Variants in RNF180 observed in about 807,000 individuals in gnomAD.
RNF180 encodes the protein E3 ubiquitin-protein ligase RNF180.
RNF180 carries 38 observed loss-of-function variants against 59.2 expected under a neutral mutation model. That is an observed-to-expected ratio of 0.64 (90% CI 0.50 to 0.84). RNF180 has a LOEUF of 0.84. RNF180 is among the 40% of genes least tolerant of loss of function. The pLI, the probability that RNF180 is intolerant of heterozygous loss-of-function variation, is 0.00. For missense variants in RNF180, 705 were observed against 700.9 expected, an observed-to-expected ratio of 1.01 and a Z score of -0.07; for synonymous variants, 262 against 240.3, an observed-to-expected ratio of 1.09 and a Z score of -0.84.
At chr5:64,343,306 G>T (rs530762793) in intron 7 of RNF180, among the ~76,000 whole-genome samples, 4 of 152,076 alleles carry the variant, frequency 2.6e-5, no homozygotes, top group African/African-American at 9.6e-5. Flanking sequence ...GAATAAAACA[G>T]TCTGGGACTA....
intron 1 of RNF180, among the ~76,000 whole-genome samples, chr5:64,187,443 C>A (rs953246682): frequency 6.6e-6 from 1 of 152,106 alleles, no homozygotes; most frequent in African/African-American, 2.4e-5. Context: ...AAAGCATATG[C>A]AGAACCATTT....
chr5:64,280,762 A>G (rs1303419848), intron 5 of RNF180, among the ~76,000 whole-genome samples: 1 of 152,146 alleles, frequency 6.6e-6, no homozygotes, highest in Non-Finnish European at 1.5e-5. Context: ...CCCTTTGCTT[A>G]GGATTGCTTT....
Position 64,213,859 on chromosome 5 carries a change from T to G in RNF180, c.533T>G (p.Leu178Ter), listed in dbSNP as rs758631661. The change falls in exon 4 of 8, where the codon TTA (leucine) becomes TGA (stop). Residue 178 changes from leucine (L) to a stop codon, truncating the protein, a stop_gained. Coordinates refer to ENST00000389100, the MANE Select transcript of RNF180 (RefSeq NM_001113561.2). LOFTEE classifies it high-confidence loss of function. The part of the protein sequence containing the change: ...MARNNNDPGR[L>*]TEALCLEVRP... ...CGAAATAATAATGACCCTGGAAGATTAACAGAAGCACTCTGCCTGGAGGTG... is the reference window on the plus strand; with the variant it reads ...CGAAATAATAATGACCCTGGAAGATGAACAGAAGCACTCTGCCTGGAGGTG... 1 of 1,614,088 alleles carries G rather than the reference T, an allele frequency of 6.2e-7. No individual in the cohort carries two copies.
chr5:64,353,849 A>T (rs1020381908), intron 7 of RNF180, among the ~76,000 whole-genome samples: 1 of 151,796 alleles, frequency 6.6e-6, no homozygotes, highest in African/African-American at 2.4e-5. Flanking sequence ...CGTGGAAATT[A>T]AAAAACACAC....
intron 2 of RNF180, among the ~76,000 whole-genome samples, chr5:64,203,306 G>A (rs1488596741): frequency 6.6e-6 from 1 of 152,098 alleles, no homozygotes; most frequent in Non-Finnish European, 1.5e-5. Context: ...AAGATAATAT[G>A]TGAACATATA....
At chr5:64,222,632 C>A (rs970188692) in intron 5 of RNF180, among the ~76,000 whole-genome samples, 1 of 152,212 alleles carries the variant, frequency 6.6e-6, no homozygotes, top group Non-Finnish European at 1.5e-5. Flanking sequence ...TAGGTACCCA[C>A]TGTCTGACAC....
At chr5:64,239,484 A>T (rs900557860) in intron 5 of RNF180, among the ~76,000 whole-genome samples, 1 of 152,112 alleles carries the variant, frequency 6.6e-6, no homozygotes, top group Non-Finnish European at 1.5e-5. Flanking sequence ...TGCTTTTTAA[A>T]ATGTGTCTGG....
At chr5:64,173,785 G>A (rs1165736737) in intron 1 of RNF180, among the ~76,000 whole-genome samples, 2 of 150,106 alleles carry the variant, frequency 1.3e-5, no homozygotes, top group East Asian at 1.9e-4. Flanking sequence ...GCATGATCTC[G>A]GCTCACTGCA....
chr5:64,254,742 A>C (rs1245407457), intron 5 of RNF180, among the ~76,000 whole-genome samples: 2 of 152,208 alleles, frequency 1.3e-5, no homozygotes, highest in African/African-American at 2.4e-5. Context: ...CTATCTTTGC[A>C]TAAAATAATA....
At chr5:64,298,510 A>C (rs759335056) in intron 5 of RNF180, among the ~76,000 whole-genome samples, 1 of 151,972 alleles carries the variant, frequency 6.6e-6, no homozygotes, top group Non-Finnish European at 1.5e-5. Flanking sequence ...TATGCAGTGA[A>C]ACTTTCTTAC....
intron 5 of RNF180, among the ~76,000 whole-genome samples, chr5:64,294,276 G>A (rs1422176900): frequency 3.9e-5 from 6 of 152,086 alleles, no homozygotes. Flanking sequence ...AATGCTTGAG[G>A]GGATGGATAC....
chr5:64,204,396 T>C lies in RNF180; in HGVS notation c.135+3454T>C, dbSNP rs147727770. 7.2e-5 allele frequency among the ~76,000 whole-genome samples: 11 copies of C among 152,310 alleles called. No homozygotes were observed. The East Asian group carries it at 2.1e-3, about 29-fold the overall frequency. On this transcript the variant is annotated intron_variant, in intron 2 of 7. Coordinates refer to ENST00000389100, the MANE Select transcript of RNF180 (RefSeq NM_001113561.2). ...TTCAACTTTACTGGGCAATGCTGTT[T>C]TCAAATGACAGTCTCACCAACAATA... is the stretch of plus-strand genomic sequence containing the variant.
intron 2 of RNF180, among the ~76,000 whole-genome samples, chr5:64,201,678 T>C (rs1751755636): frequency 6.6e-6 from 1 of 152,234 alleles, no homozygotes; most frequent in African/African-American, 2.4e-5. Context: ...TCCCTTCCAC[T>C]TTAACAAATT....
At chr5:64,351,368 C>A (rs1353505928) in intron 7 of RNF180, among the ~76,000 whole-genome samples, 1 of 152,130 alleles carries the variant, frequency 6.6e-6, no homozygotes, top group Non-Finnish European at 1.5e-5. Flanking sequence ...ATTTGACTTC[C>A]TCTTTTCCTA....
intron 7 of RNF180, among the ~76,000 whole-genome samples, chr5:64,343,542 C>A (rs534664622): frequency 1.3e-5 from 2 of 151,690 alleles, no homozygotes; most frequent in Non-Finnish European, 2.9e-5. Flanking sequence ...AGAAAGAAAA[C>A]CATATCTAGA....
At chr5:64,239,856 G>A (rs2112232026) in intron 5 of RNF180, among the ~76,000 whole-genome samples, 1 of 152,178 alleles carries the variant, frequency 6.6e-6, no homozygotes, top group African/African-American at 2.4e-5. Flanking sequence ...TGTCATAAAA[G>A]TTCTACTTGG....
chr5:64,247,597 T>A (rs1219190918), intron 5 of RNF180, among the ~76,000 whole-genome samples: 3 of 152,100 alleles, frequency 2.0e-5, no homozygotes, highest in Non-Finnish European at 4.4e-5. Context: ...CCACTGCTCA[T>A]GGACATAAGA....
intron 5 of RNF180, among the ~76,000 whole-genome samples, chr5:64,288,684 G>A (rs1742416008): frequency 6.6e-6 from 1 of 152,004 alleles, no homozygotes; most frequent in Non-Finnish European, 1.5e-5. Flanking sequence ...TCATGATTTG[G>A]CTCTCTGCCC....
At chr5:64,234,335 A>T (rs1204496300) in intron 5 of RNF180, among the ~76,000 whole-genome samples, 2 of 151,780 alleles carry the variant, frequency 1.3e-5, no homozygotes, top group Non-Finnish European at 2.9e-5. Flanking sequence ...GTGTGGTGGC[A>T]TGTGCCTGTA....
Sources: allele counts gnomAD v4.1 joint callset (sites outside exome capture counted in the v4.1 genomes callset), GRCh38; gene constraint gnomAD v4.1.1; transcripts MANE v1.5; gene names NCBI Gene and HGNC (gene_info 2026-07-23, HGNC 2026-07-21).